Variants in SNTG1 observed in about 807,000 individuals in gnomAD.
SNTG1 encodes syntrophin gamma 1.
Under a neutral mutation model 74.7 loss-of-function variants are expected in SNTG1, and 39 were observed. The observed-to-expected ratio is 0.52, with a 90% CI of 0.40 to 0.68. The LOEUF is 0.68. SNTG1 is among the 30% of genes least tolerant of loss of function. SNTG1 has a pLI of 0.00. For missense variants in SNTG1, 685 were observed against 609.5 expected (o/e 1.12, Z -1.30); for synonymous variants, 254 against 217.1 (o/e 1.17, Z -1.49).
intron 1 of SNTG1, among the ~76,000 whole-genome samples, chr8:49,954,726 C>A (rs1190392182): frequency 6.6e-6 from 1 of 152,040 alleles, no homozygotes; most frequent in East Asian, 1.9e-4. Context: ...CAGAGTTTTT[C>A]TTTTCCAATG....
chr8:50,352,281 T>C (rs1170364378), intron 2 of SNTG1, among the ~76,000 whole-genome samples: 1 of 152,184 alleles, frequency 6.6e-6, no homozygotes, highest in African/African-American at 2.4e-5. Context: ...CCTGTTTTAA[T>C]TGATTCTTGA....
chr8:50,178,758 A>G (rs2083094499), intron 2 of SNTG1, among the ~76,000 whole-genome samples: 1 of 151,952 alleles, frequency 6.6e-6, no homozygotes, highest in Non-Finnish European at 1.5e-5. Flanking sequence ...TCATCCTATA[A>G]TCTCACCTTT....
chr8:50,298,240 T>C (rs950673478), intron 2 of SNTG1, among the ~76,000 whole-genome samples: 9 of 152,116 alleles, frequency 5.9e-5, no homozygotes, highest in Admixed American at 5.2e-4. Flanking sequence ...TCTGCCTAAG[T>C]ATTTATATTT....
intron 1 of SNTG1, among the ~76,000 whole-genome samples, chr8:50,116,023 G>A (rs1384351816): frequency 3.3e-5 from 5 of 152,080 alleles, no homozygotes; most frequent in Non-Finnish European, 5.9e-5. Flanking sequence ...AGCACCATGA[G>A]CGTAACTTGA....
chr8:50,244,884 G>A (rs535047243), intron 2 of SNTG1, among the ~76,000 whole-genome samples: 1 of 152,272 alleles, frequency 6.6e-6, no homozygotes, highest in Admixed American at 6.5e-5. Flanking sequence ...AATTCAAAGA[G>A]AGAAAAGGAT....
Position 50,394,369 on chromosome 8 carries a change from G to A in SNTG1, c.27+104G>A. On this transcript the variant is annotated intron_variant, in intron 3 of 18. Coordinates refer to ENST00000642720, the MANE Select transcript of SNTG1 (RefSeq NM_018967.5). ...GAAATTCTGCTTTTGGCAGAAAATG[G>A]AGAGAGGAGGATGGGCTCTTTTTCC... 3 of 1,145,358 alleles carry A rather than the reference G, an allele frequency of 2.6e-6. No homozygotes were observed. The South Asian group carries it at 4.3e-5, about 17-fold the overall frequency. The allele number at this position is 1,145,358 out of a possible 1,614,324, so 70.9% of individuals were successfully genotyped here. A position where few individuals can be genotyped will look rare whatever the true frequency, so the allele number is the denominator to read the frequency against.
chr8:50,451,418 T>C (rs1016440587), intron 8 of SNTG1, among the ~76,000 whole-genome samples: 1 of 151,970 alleles, frequency 6.6e-6, no homozygotes, highest in Non-Finnish European at 1.5e-5. Context: ...TAGGAACAAA[T>C]GGAAGGGCAT....
intron 17 of SNTG1, among the ~76,000 whole-genome samples, chr8:50,731,084 A>T (rs1468725951): frequency 6.6e-6 from 1 of 152,152 alleles, no homozygotes; most frequent in Admixed American, 6.5e-5. Flanking sequence ...TAAAATTCAG[A>T]TTACATTTTA....
intron 2 of SNTG1, among the ~76,000 whole-genome samples, chr8:50,192,311 C>T (rs1229406957): frequency 1.3e-5 from 2 of 152,142 alleles, no homozygotes; most frequent in East Asian, 1.9e-4. Flanking sequence ...GAGAAATTTA[C>T]TTGCTTTCTT....
At chr8:50,382,980 T>C (rs1241433507) in intron 2 of SNTG1, among the ~76,000 whole-genome samples, 1 of 152,174 alleles carries the variant, frequency 6.6e-6, no homozygotes, top group African/African-American at 2.4e-5. Context: ...AGTGATTGCA[T>C]GAGGACCACC....
intron 18 of SNTG1, among the ~76,000 whole-genome samples, chr8:50,769,270 C>A (rs1361028600): frequency 1.3e-5 from 2 of 151,912 alleles, no homozygotes; most frequent in East Asian, 3.9e-4. Context: ...TCAAAGGGAA[C>A]ATGCCTATAG....
At chr8:50,390,684 G>C (rs1242777693) in intron 2 of SNTG1, among the ~76,000 whole-genome samples, 3 of 152,082 alleles carry the variant, frequency 2.0e-5, no homozygotes, top group African/African-American at 7.2e-5. Flanking sequence ...TCATGATATT[G>C]ATTCTTCCTA....
chr8:49,914,736 A>G (rs938728369), intron 1 of SNTG1, among the ~76,000 whole-genome samples: 1 of 152,190 alleles, frequency 6.6e-6, no homozygotes, highest in Non-Finnish European at 1.5e-5. Context: ...GACTATTGCT[A>G]ATATTTAGTA....
rs961873879 is a variant in SNTG1 at position 50,544,072 on chromosome 8, C to T, written c.680+7264C>T. On this transcript the variant is annotated intron_variant, in intron 11 of 18. Coordinates refer to ENST00000642720, the MANE Select transcript of SNTG1 (RefSeq NM_018967.5). ...ACATATATCTCAAATTCCTTTTTCT[C>T]AACACACGAGTTTTTGTGCTGTTTT... Among the ~76,000 whole-genome samples, 3 of 152,000 alleles carry T rather than the reference C, an allele frequency of 2.0e-5. No homozygotes were observed. The East Asian group carries it at 5.8e-4, about 29-fold the overall frequency.
intron 1 of SNTG1, among the ~76,000 whole-genome samples, chr8:50,137,334 G>A (rs2081507152): frequency 6.6e-6 from 1 of 152,094 alleles, no homozygotes; most frequent in Non-Finnish European, 1.5e-5. Flanking sequence ...GACGCTCTGA[G>A]TCCCCCATCT....
chr8:49,958,904 A>G (rs1301427480), intron 1 of SNTG1, among the ~76,000 whole-genome samples: 2 of 152,216 alleles, frequency 1.3e-5, no homozygotes, highest in African/African-American at 4.8e-5. Context: ...CCTTCATAAC[A>G]GTGTAAATGT....
At chr8:50,552,435 A>G (rs1231134084) in intron 11 of SNTG1, among the ~76,000 whole-genome samples, 1 of 152,212 alleles carries the variant, frequency 6.6e-6, no homozygotes, top group Non-Finnish European at 1.5e-5. Flanking sequence ...AAAAAGTTTA[A>G]TGTTAATGAA....
intron 2 of SNTG1, among the ~76,000 whole-genome samples, chr8:50,356,282 C>G (rs1007764418): frequency 6.6e-6 from 1 of 152,140 alleles, no homozygotes; most frequent in Admixed American, 6.5e-5. Flanking sequence ...TCAAGCCTCT[C>G]TTAACCTGGG....
intron 9 of SNTG1, 27 bp downstream of exon 9, chr8:50,502,907 A>G: frequency 1.3e-6 from 2 of 1,508,180 alleles, no homozygotes; most frequent in South Asian, 1.1e-5. Context: ...AATAGATAAA[A>G]GTGCTCACAT....
Sources: gnomAD v4.1 joint callset for allele counts (sites outside exome capture counted in the v4.1 genomes callset) on GRCh38, gnomAD v4.1.1 for gene constraint, MANE v1.5 for transcripts, NCBI Gene and HGNC (gene_info 2026-07-23, HGNC 2026-07-21) for gene names.